VDR: variants seen among roughly 807,000 people sequenced by gnomAD.
The protein encoded by VDR is vitamin D receptor.
Under a neutral mutation model 39.7 loss-of-function variants are expected in VDR, and 19 were observed. The ratio of observed to expected loss-of-function variants is 0.48; its 90% CI spans 0.33 to 0.70. The LOEUF (loss-of-function observed/expected upper bound fraction) is 0.70. Among genes scored for constraint, VDR ranks in the 30% least tolerant of loss-of-function variants. VDR has a pLI of 0.02. For missense variants in VDR, 442 were observed against 570.5 expected (o/e 0.77, Z 2.29); for synonymous variants, 242 against 215.8 (o/e 1.12, Z -1.07).
At chr12:47,896,283 C>T (rs1442007058) in intron 1 of VDR, among the ~76,000 whole-genome samples, 1 of 152,136 alleles carries the variant, frequency 6.6e-6, no homozygotes, top group Non-Finnish European at 1.5e-5. Flanking sequence ...GAGTTGCAGC[C>T]CAGTTTTTGA....
Position 47,859,894 on chromosome 12 carries a change from C to T in VDR, c.278-2206G>A, listed in dbSNP as rs180736072. The stretch of plus-strand genomic sequence containing the variant: ...CCTTCCTTCCTTCCTTCCTTCCTTC[C>T]TTCCTTCCTTCCTTCCTTCCTTCTT... On this transcript the variant is annotated intron_variant, in intron 4 of 9. Transcript: ENST00000549336. Among the ~76,000 whole-genome samples, 27 of 39,882 alleles carry T rather than the reference C, an allele frequency of 6.8e-4. 1 individual carries two copies. The highest frequency in any genetic ancestry group is 2.2e-3 in the African/African-American group (16 of 7,352). 26.2% of individuals were successfully genotyped at this position (39,882 alleles called of 152,430 possible).
At chr12:47,868,982 G>C (rs1460801254) in intron 3 of VDR, among the ~76,000 whole-genome samples, 2 of 152,164 alleles carry the variant, frequency 1.3e-5, no homozygotes, top group African/African-American at 2.4e-5. Flanking sequence ...CCGGGACTGA[G>C]AGCTTCTTGA....
chr12:47,901,467 G>T, intron 1 of VDR: 1 of 155,800 alleles, frequency 6.4e-6, no homozygotes, highest in Non-Finnish European at 1.5e-5. Flanking sequence ...GACCAAAGAG[G>T]CAAACTCTAG....
intron 6 of VDR, 59 bp from the exon 7 acceptor site, chr12:47,855,860 C>T (rs2137142645): frequency 1.2e-6 from 2 of 1,603,788 alleles, no homozygotes; most frequent in East Asian, 2.2e-5. Flanking sequence ...AGGCCCCCTC[C>T]TGCCAGACCC....
At chr12:47,862,098 CT>C (rs1451844799) in intron 4 of VDR, among the ~76,000 whole-genome samples, 4 of 152,228 alleles carry the variant, frequency 2.6e-5, no homozygotes, top group Non-Finnish European at 5.9e-5. Flanking sequence ...AGACATACAT[CT>C]GTAAAAACAT....
At chr12:47,868,794 G>A (rs1389997725) in intron 3 of VDR, among the ~76,000 whole-genome samples, 5 of 129,864 alleles carry the variant, frequency 3.9e-5, no homozygotes, top group East Asian at 2.1e-4. Context: ...TTCAACAACC[G>A]GGCATTTCGC....
chr12:47,882,629 C>CG, intron 2 of VDR, 65 bp downstream of exon 2: 2 of 373,218 alleles, frequency 5.4e-6, no homozygotes, highest in Non-Finnish European at 9.9e-6. Flanking sequence ...TTATGCCCCT[C>CG]CCCCCCACCC....
At chr12:47,897,858 A>G (rs947404063) in intron 1 of VDR, among the ~76,000 whole-genome samples, 4 of 152,208 alleles carry the variant, frequency 2.6e-5, no homozygotes, top group Non-Finnish European at 5.9e-5. Context: ...TGGAGCCCTT[A>G]AATGATCAAG....
intron 5 of VDR, 104 bp from the exon 6 acceptor site, chr12:47,857,353 C>T (rs145538221): frequency 1.0e-4 from 162 of 1,606,012 alleles, no homozygotes; most frequent in Middle Eastern, 5.0e-4. Context: ...TACAGGAAGG[C>T]GAAGCCTCCC....
chr12:47,857,667 A>T lies in VDR; in HGVS notation c.299T>A (p.Val100Glu), dbSNP rs780886928. Reference sequence around the variant, plus strand: ...CAGGATCATCTCCCGCTTCCTCTGCACTTCCTCATCTGTCAGAATGACTGT... The same window carrying T: ...CAGGATCATCTCCCGCTTCCTCTGCTCTTCCTCATCTGTCAGAATGACTGT... The part of the protein sequence containing the change: ...MKEFILTDEE[V>E]QRKREMILKR... Residue 100 changes from valine to glutamate, a missense_variant, in exon 5 of 10, where the codon GTG becomes GAG. Around this residue, in one of 5 missense-constraint regions of VDR, gnomAD observed 141 missense variants for 141.3 expected, o/e 1.00. Coordinates refer to ENST00000549336, the MANE Select transcript of VDR (RefSeq NM_000376.3). 6.2e-7 allele frequency: 1 copy of T among 1,614,024 alleles called. No individual in the cohort carries two copies. The highest frequency in any genetic ancestry group is 1.1e-5 in the South Asian group (1 of 91,078).
intron 6 of VDR, among the ~76,000 whole-genome samples, chr12:47,856,421 T>C (rs2137143885): frequency 6.6e-6 from 1 of 152,260 alleles, no homozygotes; most frequent in South Asian, 2.1e-4. Flanking sequence ...GTTTTCTTAT[T>C]AAAATGCTGA....
chr12:47,867,087 G>A (rs1945751762), intron 3 of VDR, among the ~76,000 whole-genome samples: 2 of 151,890 alleles, frequency 1.3e-5, no homozygotes, highest in Non-Finnish European at 2.9e-5. Context: ...TGGGTGTGGT[G>A]GCTCAGGCCT....
rs553294889 is a variant in VDR, at chr12:47,865,063, G to A, written c.261C>T (p.Ile87=). The change falls in exon 4 of 10, where the codon ATC becomes ATT. Residue 87 remains isoleucine (I), a synonymous_variant. Coordinates refer to ENST00000549336, the MANE Select transcript of VDR (RefSeq NM_000376.3). ...GACACTCACACTCCTTCATCATGCC[G>A]ATGTCCACACAGCGTTTGAGCCGGC... The part of the protein sequence containing the change: ...QACRLKRCVD[I]GMMKEFILTD... The A allele has an allele frequency of 2.7e-5, 44 of 1,613,382 alleles. No individual in the cohort carries two copies. Among genetic ancestry groups the A allele is most frequent in the Admixed American group, 6.7e-5 (4 of 59,996 alleles).
intron 1 of VDR, 180 bp from the exon 2 acceptor site, chr12:47,882,954 G>C: frequency 1.8e-6 from 1 of 547,646 alleles, no homozygotes; most frequent in Non-Finnish European, 3.2e-6. Flanking sequence ...GGGTGTGGGG[G>C]TGGCGGCTGG....
chr12:47,899,653 AT>A (rs1401999317), intron 1 of VDR, among the ~76,000 whole-genome samples: 5 of 152,122 alleles, frequency 3.3e-5, no homozygotes, highest in Non-Finnish European at 5.9e-5. Context: ...CAGGCTGAGC[AT>A]TTTCTCTTCC....
At chr12:47,857,291 T>C (rs765676980) in intron 5 of VDR, 42 bp from the exon 6 acceptor site, 2 of 1,613,798 alleles carry the variant, frequency 1.2e-6, no homozygotes, top group South Asian at 1.1e-5. Context: ...ATTTTGGGGT[T>C]GCCTTCCTAC....
chr12:47,869,514 G>C (rs540345563), intron 3 of VDR, among the ~76,000 whole-genome samples: 210 of 142,388 alleles, frequency 1.5e-3, no homozygotes, highest in Non-Finnish European at 2.6e-3. Flanking sequence ...TCAGCCTGGG[G>C]GACAGAGCGA....
chr12:47,880,254 G>T (rs1946119136), intron 2 of VDR, among the ~76,000 whole-genome samples: 1 of 152,108 alleles, frequency 6.6e-6, no homozygotes, highest in Non-Finnish European at 1.5e-5. Flanking sequence ...CCACCCCAGG[G>T]TACCATTTCC....
chr12:47,897,649 C>T (rs1946486023), intron 1 of VDR, among the ~76,000 whole-genome samples: 1 of 152,200 alleles, frequency 6.6e-6, no homozygotes, highest in Non-Finnish European at 1.5e-5. Flanking sequence ...GTAGTCCTAG[C>T]AGGGTATTCG....
Sources: allele counts gnomAD v4.1 joint callset (sites outside exome capture counted in the v4.1 genomes callset), GRCh38; gene constraint gnomAD v4.1.1; regional missense constraint gnomAD v4.1.1; transcripts MANE v1.5; gene names NCBI Gene and HGNC (gene_info 2026-07-23, HGNC 2026-07-21).